The following ZNF536 variants were observed in gnomAD, a reference collection of about 807,000 sequenced individuals.
ZNF536 encodes the protein zinc finger protein 536.
Under a neutral mutation model 84.5 loss-of-function variants are expected in ZNF536, and 13 were observed. That is an observed-to-expected ratio of 0.15 (90% CI 0.10 to 0.24). The LOEUF (loss-of-function observed/expected upper bound fraction) is 0.24, where lower values mean the gene tolerates loss of function less well. Ranked by LOEUF, ZNF536 falls within the 10% of genes least tolerant of loss-of-function variation. ZNF536 has a pLI of 1.00. For synonymous variants in ZNF536, 811 were observed against 742.5 expected (o/e 1.09, Z -1.50); for missense variants, 1,536 against 1,747.5 (o/e 0.88, Z 2.16).
intron 2 of ZNF536, among the ~76,000 whole-genome samples, chr19:30,309,349 T>G (rs1379323930): frequency 6.6e-6 from 1 of 152,230 alleles, no homozygotes; most frequent in Middle Eastern, 3.2e-3. Context: ...TGGACTCGCT[T>G]CTATGTCTAA....
chr19:30,608,361 G>A (rs2047970564), intron 1 of ZNF536, among the ~76,000 whole-genome samples: 1 of 152,054 alleles, frequency 6.6e-6, no homozygotes. Context: ...ACACTTCTTG[G>A]GATAATAAGC....
intron 1 of ZNF536, among the ~76,000 whole-genome samples, chr19:30,662,690 C>T (rs999779448): frequency 5.3e-5 from 8 of 151,816 alleles, no homozygotes; most frequent in South Asian, 2.1e-4. Flanking sequence ...TTCAACATAA[C>T]GTATTAGGAG....
intron 1 of ZNF536, among the ~76,000 whole-genome samples, chr19:30,699,940 G>A (rs2051828500): frequency 2.6e-5 from 4 of 152,114 alleles, no homozygotes; most frequent in African/African-American, 9.7e-5. Context: ...GGCCCACTCT[G>A]GGGAGCTGAA....
At chr19:30,564,195 T>C (rs572378332) in intron 1 of ZNF536, among the ~76,000 whole-genome samples, 1 of 151,854 alleles carries the variant, frequency 6.6e-6, no homozygotes, top group African/African-American at 2.4e-5. Context: ...AAGAGTCGGG[T>C]GTGTTGGCAC....
intron 2 of ZNF536, among the ~76,000 whole-genome samples, chr19:30,465,825 A>G (rs1433296821): frequency 4.6e-5 from 7 of 151,934 alleles, no homozygotes; most frequent in Non-Finnish European, 8.8e-5. Flanking sequence ...ATCTCGGCTC[A>G]CTGCAAGCTC....
chr19:30,249,643 CCAAAACAAAAA>C (rs1314372006), intron 1 of ZNF536, among the ~76,000 whole-genome samples: 2 of 152,140 alleles, frequency 1.3e-5, no homozygotes, highest in African/African-American at 4.8e-5. Flanking sequence ...AGACCCTGTC[CCAAAACAAAAA>C]CAAAACAAAG....
At chr19:30,512,812 T>G (rs148199453) in intron 2 of ZNF536, among the ~76,000 whole-genome samples, 53 of 152,358 alleles carry the variant, frequency 3.5e-4, no homozygotes, top group African/African-American at 1.3e-3. Flanking sequence ...TTCGAATTAC[T>G]TTCTAGCAAT....
intron 2 of ZNF536, among the ~76,000 whole-genome samples, chr19:30,448,611 G>A (rs2052461873): frequency 6.6e-6 from 1 of 152,156 alleles, no homozygotes; most frequent in African/African-American, 2.4e-5. Flanking sequence ...TGAAAACTGG[G>A]TCAGTAGGGC....
chr19:30,266,189 C>T (rs1318202944), intron 1 of ZNF536, among the ~76,000 whole-genome samples: 1 of 152,218 alleles, frequency 6.6e-6, no homozygotes. Context: ...GCTGAGACTA[C>T]AGCCACGAGC....
At chr19:30,283,574 G>A (rs997937293) in intron 1 of ZNF536, among the ~76,000 whole-genome samples, 1 of 152,196 alleles carries the variant, frequency 6.6e-6, no homozygotes, top group African/African-American at 2.4e-5. Context: ...TTCCCATTCT[G>A]TATCCACTGG....
chr19:30,649,168 T>C (rs1434130374), intron 1 of ZNF536, among the ~76,000 whole-genome samples: 1 of 152,200 alleles, frequency 6.6e-6, no homozygotes, highest in Admixed American at 6.5e-5. Flanking sequence ...AAGCAATTTA[T>C]AGATGGACTT....
At chr19:30,391,198 C>A (rs1023971232) in intron 1 of ZNF536, among the ~76,000 whole-genome samples, 3 of 152,246 alleles carry the variant, frequency 2.0e-5, no homozygotes, top group African/African-American at 7.2e-5. Context: ...AAACACAATA[C>A]CACAGGATGT....
At chr19:30,288,309 G>A (rs1341968294) in intron 2 of ZNF536, among the ~76,000 whole-genome samples, 2 of 152,032 alleles carry the variant, frequency 1.3e-5, no homozygotes, top group Non-Finnish European at 2.9e-5. Flanking sequence ...GGAGATTTTT[G>A]TGTGTCCTCT....
chr19:30,396,671 G>A (rs2049835323), intron 1 of ZNF536, among the ~76,000 whole-genome samples: 2 of 146,778 alleles, frequency 1.4e-5, no homozygotes, highest in African/African-American at 5.1e-5. Flanking sequence ...CATGATCTCG[G>A]CTCACTGCAA....
chr19:30,611,390 C>T (rs1417778769), intron 1 of ZNF536, among the ~76,000 whole-genome samples: 1 of 152,202 alleles, frequency 6.6e-6, no homozygotes, highest in Non-Finnish European at 1.5e-5. Flanking sequence ...TGCCCTTGGA[C>T]CCCTCTTATA....
intron 2 of ZNF536, among the ~76,000 whole-genome samples, chr19:30,506,422 G>A (rs1427676386): frequency 1.3e-5 from 2 of 152,228 alleles, no homozygotes; most frequent in Non-Finnish European, 2.9e-5. Flanking sequence ...CCTTCTTGGT[G>A]TGGTAGTAAC....
At chr19:30,694,632 A>G (rs572781776) in intron 1 of ZNF536, among the ~76,000 whole-genome samples, 3 of 152,352 alleles carry the variant, frequency 2.0e-5, no homozygotes, top group African/African-American at 7.2e-5. Context: ...TCCATGTTTT[A>G]ATGTGAAATA....
rs535907383 is a variant in ZNF536, at chr19:30,255,198, G to A, written c.-190+26525G>A. On this transcript the variant is annotated intron_variant, in intron 1 of 5. Transcript: ENST00000585628. ...TTTCATTCAAAAGAGGATGGCTCTCGTTTGTGGCTTTCAGGGTGATTGTCG... is the reference window on the plus strand; with the variant it reads ...TTTCATTCAAAAGAGGATGGCTCTCATTTGTGGCTTTCAGGGTGATTGTCG... Among the ~76,000 whole-genome samples the A allele has an allele frequency of 6.6e-4, 100 of 152,078 alleles. 1 individual carries two copies. Among genetic ancestry groups the A allele is most frequent in the Non-Finnish European group, 2.5e-4 (17 of 67,990 alleles).
chr19:30,296,942 T>A (rs1277457046), intron 2 of ZNF536, among the ~76,000 whole-genome samples: 1 of 152,158 alleles, frequency 6.6e-6, no homozygotes, highest in Non-Finnish European at 1.5e-5. Context: ...CAGCTGATGT[T>A]GGCAGTGGAG....
Sources: gnomAD v4.1 joint callset for allele counts (sites outside exome capture counted in the v4.1 genomes callset) on GRCh38, gnomAD v4.1.1 for gene constraint, MANE v1.5 for transcripts, NCBI Gene and HGNC (gene_info 2026-07-23, HGNC 2026-07-21) for gene names.